NADK: variants seen among roughly 807,000 people sequenced by gnomAD.
NADK encodes the protein poly(P)/ATP NAD kinase.
Under a neutral mutation model 49.8 loss-of-function variants are expected in NADK, and 22 were observed. The observed-to-expected ratio is 0.44, with a 90% CI of 0.32 to 0.63. The LOEUF is 0.63. Among genes scored for constraint, NADK ranks in the 30% least tolerant of loss-of-function variants. NADK has a pLI of 0.06. For synonymous variants in NADK, 268 were observed against 253.7 expected, an observed-to-expected ratio of 1.06 and a Z score of -0.54; for missense variants, 438 against 609.4, an observed-to-expected ratio of 0.72 and a Z score of 2.96.
In NADK at chr1:1,755,513, C is replaced by T. The variant is rs200467662; in HGVS notation, c.586-37G>A. The T allele has an allele frequency of 2.3e-4, 335 of 1,483,160 alleles. 1 individual carries two copies. Among genetic ancestry groups the T allele is most frequent in the African/African-American group, 5.8e-4 (42 of 72,638 alleles). 91.9% of individuals were successfully genotyped at this position (1,483,160 alleles called of 1,614,324 possible). On this transcript the variant is annotated intron_variant, in intron 6 of 11. Coordinates refer to ENST00000341426, the MANE Select transcript of NADK (RefSeq NM_023018.5). ...CGGAGAGGTCACTCAGTGCCCACGC[C>T]GTGCACCCCCGCACCACCCAGCTTT...
chr1:1,778,946 G>C (rs978203593), upstream of NADK, among the ~76,000 whole-genome samples: 1 of 152,244 alleles, frequency 6.6e-6, no homozygotes, highest in African/African-American at 2.4e-5. This position sits in a 1 kb window ranked among gnomAD's most constrained non-coding sequence, Gnocchi z 4.9. Context: ...CCTAATTACC[G>C]GGCTGTGACA....
In NADK at chr1:1,752,700, C is replaced by G. The variant is rs892021303; in HGVS notation, c.*204G>C. ...AGAAGCACTCCCAGCCCATTTCTCA[C>G]GCTTCTTTAGAAATGCAAAAAAAGT... On this transcript the variant is annotated 3_prime_UTR_variant, in exon 12 of 12. Coordinates refer to ENST00000341426, the MANE Select transcript of NADK (RefSeq NM_023018.5). 4 of 600,608 alleles carry G rather than the reference C, an allele frequency of 6.7e-6. No individual in the cohort carries two copies. The African/African-American group carries it at 7.5e-5, about 11-fold the overall frequency. The allele number at this position is 600,608 out of a possible 1,614,324, so 37.2% of individuals were successfully genotyped here. A position where few individuals can be genotyped will look rare whatever the true frequency, so the allele number is the denominator to read the frequency against.
chr1:1,773,934 T>TACCTTGAACGGGCTG (rs1553188522), intron 1 of NADK, among the ~76,000 whole-genome samples: 2 of 151,886 alleles, frequency 1.3e-5, no homozygotes, highest in African/African-American at 4.8e-5. Context: ...AGGGTCTCGC[T>TACCTTGAACGGGCTG]ACCTTGAACG....
At chr1:1,757,370 T>C in intron 3 of NADK, 60 bp from the exon 4 acceptor site, 1 of 1,421,998 alleles carries the variant, frequency 7.0e-7, no homozygotes, top group Non-Finnish European at 9.7e-7. Context: ...GGAAAAGGTG[T>C]ATGACTTAGA....
At chr1:1,772,754 C>A (rs773738797) in intron 1 of NADK, among the ~76,000 whole-genome samples, 1 of 148,992 alleles carries the variant, frequency 6.7e-6, no homozygotes, top group African/African-American at 2.5e-5. Context: ...GATGTTAACA[C>A]AAGGGCCGGG....
chr1:1,775,134 T>A (rs2100388920), intron 1 of NADK, among the ~76,000 whole-genome samples: 1 of 151,898 alleles, frequency 6.6e-6, no homozygotes. Flanking sequence ...ATCCTCTGTA[T>A]TAGGAAGTTT....
chr1:1,760,384 C>T (rs767069494), intron 3 of NADK, among the ~76,000 whole-genome samples: 3 of 152,160 alleles, frequency 2.0e-5, no homozygotes, highest in Non-Finnish European at 2.9e-5. Flanking sequence ...CGCACGCTGC[C>T]GCGGGGCCCA....
intron 1 of NADK, among the ~76,000 whole-genome samples, chr1:1,776,558 G>A (rs1402386121): frequency 6.6e-6 from 1 of 152,008 alleles, no homozygotes; most frequent in African/African-American, 2.4e-5. Flanking sequence ...GGCTGATCAC[G>A]AGGTCAGGAG....
chr1:1,758,260 G>A (rs1399648141), intron 3 of NADK: 45 of 1,338,488 alleles, frequency 3.4e-5, no homozygotes, highest in East Asian at 1.2e-4. Context: ...GAGTGTGACC[G>A]TCCCACTAAC....
At chr1:1,776,695 C>T (rs1386990451) in intron 1 of NADK, among the ~76,000 whole-genome samples, 1 of 149,602 alleles carries the variant, frequency 6.7e-6, no homozygotes, top group African/African-American at 2.5e-5. Context: ...ATCACTTGAA[C>T]CCGGGAGGTG....
At chr1:1,759,336 C>A (rs570839400) in intron 3 of NADK, 54 of 1,429,612 alleles carry the variant, frequency 3.8e-5, no homozygotes, top group Non-Finnish European at 4.8e-5. Flanking sequence ...CAGGCACACA[C>A]GGCTGTGGGT....
At position 1,752,798 on chromosome 1, in the gene NADK, T is replaced by G. The variant is rs917604021; in HGVS notation, c.*106A>C. On this transcript the variant is annotated 3_prime_UTR_variant, in exon 12 of 12. Transcript: ENST00000341426. ...CTCTAACCCAGCTACAGAAAGGAAG[T>G]GGCCGTGCCACTGAGACAGGCGGTC... The G allele has an allele frequency of 8.9e-5, 119 of 1,332,264 alleles. No homozygotes were observed. In the African/African-American group the frequency reaches 1.7e-3, roughly 19 times the overall value. The allele number at this position is 1,332,264 out of a possible 1,614,324, so 82.5% of individuals were successfully genotyped here.
At chr1:1,756,993 G>T in intron 4 of NADK, 188 bp downstream of exon 4, 1 of 978,088 alleles carries the variant, frequency 1.0e-6, no homozygotes, top group Non-Finnish European at 1.6e-6. Context: ...CACCCAGTCT[G>T]GTGCTTGCCA....
intron 2 of NADK, among the ~76,000 whole-genome samples, chr1:1,764,911 TTCCTC>T (rs764915089): frequency 2.0e-5 from 3 of 152,160 alleles, no homozygotes; most frequent in Non-Finnish European, 2.9e-5. Context: ...AAAAAAAAGT[TTCCTC>T]TCCAAGTGCG....
upstream of NADK, among the ~76,000 whole-genome samples, chr1:1,779,397 C>CA (rs1246409384): frequency 1.3e-5 from 2 of 152,218 alleles, no homozygotes; most frequent in African/African-American, 4.8e-5. Flanking sequence ...GCCCTATACC[C>CA]AGTTCTCAGC....
intron 2 of NADK, among the ~76,000 whole-genome samples, chr1:1,762,589 C>A (rs190838556): frequency 1.3e-5 from 2 of 152,146 alleles, no homozygotes; most frequent in Non-Finnish European, 2.9e-5. Flanking sequence ...AACCCCCATC[C>A]TTACTAAAAA....
intron 1 of NADK, among the ~76,000 whole-genome samples, chr1:1,767,956 T>A (rs758870723): frequency 6.6e-6 from 1 of 152,130 alleles, no homozygotes; most frequent in Non-Finnish European, 1.5e-5. Context: ...GCAGATCATC[T>A]GAGGTCAGGA....
At chr1:1,759,798 G>C (rs750657586) in intron 3 of NADK, 20 of 1,555,002 alleles carry the variant, frequency 1.3e-5, no homozygotes, top group Non-Finnish European at 1.7e-5. Flanking sequence ...GCCCTGGTCT[G>C]AGGGCTGAGG....
At chr1:1,776,092 T>C (rs1002959028) in intron 1 of NADK, among the ~76,000 whole-genome samples, 5 of 152,176 alleles carry the variant, frequency 3.3e-5, no homozygotes, top group Non-Finnish European at 7.4e-5. Flanking sequence ...CTACCACACC[T>C]GCAGACTGGA....
Sources: allele counts gnomAD v4.1 joint callset (sites outside exome capture counted in the v4.1 genomes callset), GRCh38; gene constraint gnomAD v4.1.1; non-coding constraint Gnocchi (gnomAD v3.1); transcripts MANE v1.5; gene names NCBI Gene and HGNC (gene_info 2026-07-23, HGNC 2026-07-21).